The following LCLAT1 variants were observed in gnomAD, a reference collection of about 807,000 sequenced individuals.
LCLAT1 encodes 1-AGP acyltransferase 8.
Under a neutral mutation model 30.7 loss-of-function variants are expected in LCLAT1, and 11 were observed. The observed-to-expected ratio is 0.36, with a 90% CI of 0.23 to 0.59. LCLAT1 has a LOEUF of 0.59. LCLAT1 is among the 20% of genes least tolerant of loss of function. The pLI, the probability that LCLAT1 is intolerant of heterozygous loss-of-function variation, is 0.77. For synonymous variants in LCLAT1, 155 were observed against 151.3 expected (o/e 1.02, Z -0.18); for missense variants, 402 against 458.6 (o/e 0.88, Z 1.13).
At chr2:30,569,744 T>G (rs556186569) in intron 5 of LCLAT1, among the ~76,000 whole-genome samples, 121 of 152,384 alleles carry the variant, frequency 7.9e-4, no homozygotes, top group African/African-American at 2.8e-3. Context: ...TCACAATCAA[T>G]TCAAAATCAC....
At chr2:30,561,478 T>TTG (rs1307679043) in intron 3 of LCLAT1, among the ~76,000 whole-genome samples, 1 of 152,168 alleles carries the variant, frequency 6.6e-6, no homozygotes, top group Non-Finnish European at 1.5e-5. Context: ...AGTCTGGTCA[T>TTG]TGTGGCTGGG....
intron 5 of LCLAT1, among the ~76,000 whole-genome samples, chr2:30,634,857 G>A (rs1245951780): frequency 6.6e-6 from 1 of 152,204 alleles, no homozygotes. Context: ...ATTATTGTCA[G>A]TTTCATATGA....
At chr2:30,539,848 A>T (rs866802077) in intron 3 of LCLAT1, among the ~76,000 whole-genome samples, 1 of 152,242 alleles carries the variant, frequency 6.6e-6, no homozygotes, top group African/African-American at 2.4e-5. Flanking sequence ...ACTGCATATC[A>T]TAACATAATC....
chr2:30,635,993 G>A (rs920344959), intron 5 of LCLAT1, among the ~76,000 whole-genome samples: 1 of 152,080 alleles, frequency 6.6e-6, no homozygotes, highest in African/African-American at 2.4e-5. Context: ...ATCTAGTAAG[G>A]GCACAGGATG....
At chr2:30,461,985 G>C (rs1484504336) in intron 1 of LCLAT1, among the ~76,000 whole-genome samples, 3 of 151,502 alleles carry the variant, frequency 2.0e-5, no homozygotes, top group Non-Finnish European at 4.4e-5. Context: ...TGTTAGCCAG[G>C]ATGGTCTCGA....
chr2:30,476,295 C>T (rs893124828), intron 1 of LCLAT1: 4 of 429,604 alleles, frequency 9.3e-6, no homozygotes, highest in Non-Finnish European at 1.9e-5. Flanking sequence ...AAATAATTTG[C>T]CCAGGGTCAC....
chr2:30,532,067 A>G (rs1686007858), intron 2 of LCLAT1, among the ~76,000 whole-genome samples: 1 of 152,156 alleles, frequency 6.6e-6, no homozygotes, highest in South Asian at 2.1e-4. Context: ...GCATCTATAT[A>G]ATCATCTTTA....
intron 3 of LCLAT1, among the ~76,000 whole-genome samples, chr2:30,545,097 A>G (rs1280422525): frequency 6.6e-6 from 1 of 152,172 alleles, no homozygotes; most frequent in Non-Finnish European, 1.5e-5. Context: ...TGGAGAAAAA[A>G]AGATTTTAGA....
rs529871228 is a variant in LCLAT1, at chr2:30,464,455, T to G, written c.-5+17072T>G. Among the ~76,000 whole-genome samples, 92 of 152,294 alleles carry G rather than the reference T, an allele frequency of 6.0e-4. No individual in the cohort carries two copies. The Middle Eastern group carries it at 0.017, about 28-fold the overall frequency. On this transcript the variant is annotated intron_variant, in intron 1 of 5. Transcript: ENST00000379509. ...GAAAGTAGTTTGTCTCAAATTTATT[T>G]AAAAACTTAGTTTATTATTACCCAA...
intron 5 of LCLAT1, among the ~76,000 whole-genome samples, chr2:30,601,887 A>C (rs1055740858): frequency 7.2e-5 from 10 of 137,976 alleles, no homozygotes; most frequent in Non-Finnish European, 1.1e-4. Context: ...ATAGATATAT[A>C]TATCTATAGA....
chr2:30,504,136 C>T (rs1684541874), intron 1 of LCLAT1, among the ~76,000 whole-genome samples: 1 of 151,732 alleles, frequency 6.6e-6, no homozygotes, highest in African/African-American at 2.4e-5. Context: ...ACATATATTA[C>T]ACATATATAC....
intron 5 of LCLAT1, among the ~76,000 whole-genome samples, chr2:30,599,187 C>T (rs2593428): frequency 0.68 from 103,369 of 151,896 alleles, 35,343 homozygotes; most frequent in Middle Eastern, 0.74. Context: ...TCACCATGTT[C>T]GCCAGGCTGG....
At chr2:30,586,139 G>A (rs1666424234) in intron 5 of LCLAT1, among the ~76,000 whole-genome samples, 1 of 151,388 alleles carries the variant, frequency 6.6e-6, no homozygotes, top group Non-Finnish European at 1.5e-5. Context: ...AGCTACTCCA[G>A]AGGCTGAGGC....
intron 5 of LCLAT1, among the ~76,000 whole-genome samples, chr2:30,593,173 C>G (rs1666772246): frequency 6.6e-6 from 1 of 152,164 alleles, no homozygotes; most frequent in South Asian, 2.1e-4. Flanking sequence ...TATTTTGTCT[C>G]TCTGTGCTTG....
At chr2:30,608,300 C>CAA (rs534141767) in intron 5 of LCLAT1, among the ~76,000 whole-genome samples, 13 of 108,458 alleles carry the variant, frequency 1.2e-4, no homozygotes, top group African/African-American at 3.0e-4. Context: ...GACTCCATCT[C>CAA]AAAAAAAAAA....
At chr2:30,475,537 G>A (rs942373207) in intron 1 of LCLAT1, among the ~76,000 whole-genome samples, 3 of 152,154 alleles carry the variant, frequency 2.0e-5, no homozygotes, top group Non-Finnish European at 4.4e-5. Context: ...AACATTTGCA[G>A]TTATTATGAT....
intron 5 of LCLAT1, among the ~76,000 whole-genome samples, chr2:30,586,392 T>A (rs1666443266): frequency 1.3e-5 from 2 of 152,312 alleles, no homozygotes; most frequent in South Asian, 4.1e-4. Context: ...GCCATCAGTC[T>A]TAGGCATTCC....
intron 5 of LCLAT1, among the ~76,000 whole-genome samples, chr2:30,627,407 C>G (rs2609919): frequency 0.093 from 14,184 of 152,270 alleles, 690 homozygotes; most frequent in East Asian, 0.11. Context: ...CTGACCCCTC[C>G]TCTACATTCT....
chr2:30,609,014 T>C (rs980964826), intron 5 of LCLAT1, among the ~76,000 whole-genome samples: 2 of 152,184 alleles, frequency 1.3e-5, no homozygotes, highest in African/African-American at 4.8e-5. Flanking sequence ...CAAATAGGTA[T>C]ATTTTAATTT....
Sources: gnomAD v4.1 joint callset for allele counts (sites outside exome capture counted in the v4.1 genomes callset) on GRCh38, gnomAD v4.1.1 for gene constraint, MANE v1.5 for transcripts, NCBI Gene and HGNC (gene_info 2026-07-23, HGNC 2026-07-21) for gene names.